The following LGALS8 variants were observed in gnomAD, a reference collection of about 807,000 sequenced individuals.
The protein encoded by LGALS8 is galectin-8.
LGALS8 carries 30 observed loss-of-function variants against 35.9 expected under a neutral mutation model. That is an observed-to-expected ratio of 0.83 (90% CI 0.62 to 1.13). The LOEUF is 1.13. Among genes scored for constraint, LGALS8 ranks in the 50% most tolerant of loss-of-function variants. The probability of loss-of-function intolerance (pLI) is 0.00; values close to 1 mark genes in which losing one functional copy is unlikely to be tolerated. For missense variants in LGALS8, 366 were observed against 388.7 expected (o/e 0.94, Z 0.49); for synonymous variants, 138 against 136.1 (o/e 1.01, Z -0.10).
chr1:236,529,774 G>T (rs575964306), intron 2 of LGALS8, among the ~76,000 whole-genome samples: 3 of 150,674 alleles, frequency 2.0e-5, no homozygotes, highest in African/African-American at 7.3e-5. Context: ...TCAGCCTCCC[G>T]AGTAGCTGGG....
chr1:236,534,902 G>C (rs819429), intron 2 of LGALS8, among the ~76,000 whole-genome samples: 148,902 of 151,852 alleles, frequency 0.98, 73,067 homozygotes, highest in East Asian at 1. Flanking sequence ...CTCTCTAAAA[G>C]TACAAAAAAT....
At chr1:236,524,671 C>T (rs552960731) in intron 1 of LGALS8, 105 of 327,650 alleles carry the variant, frequency 3.2e-4, no homozygotes, top group African/African-American at 1.8e-3. Context: ...CCTGGGGATA[C>T]TTCGGGGGTT....
chr1:236,531,696 C>T (rs1447213316), intron 2 of LGALS8, among the ~76,000 whole-genome samples: 4 of 152,046 alleles, frequency 2.6e-5, no homozygotes, highest in African/African-American at 9.7e-5. Context: ...CAGTTTTCCT[C>T]TTACTGAAAT....
intron 2 of LGALS8, among the ~76,000 whole-genome samples, chr1:236,534,429 T>A (rs75547343): frequency 0.024 from 3,687 of 152,308 alleles, 127 homozygotes; most frequent in East Asian, 0.15. Flanking sequence ...CTTGTGGTAT[T>A]GTCTCCAGTG....
chr1:236,540,536 G>GC, intron 4 of LGALS8, 28 bp from the exon 5 acceptor site: 1 of 1,515,154 alleles, frequency 6.6e-7, no homozygotes, highest in East Asian at 2.4e-5. Flanking sequence ...TGGTGGCGGG[G>GC]GGGGCTCTGT....
chr1:236,536,051 A>T (rs1427598728), intron 2 of LGALS8: 1 of 152,262 alleles, frequency 6.6e-6, no homozygotes, highest in Non-Finnish European at 1.5e-5. Flanking sequence ...CAGAATCCAA[A>T]GTGCTATCAT....
rs1662754994 is a variant in LGALS8 at position 236,551,729 on chromosome 1, A to G, written c.*3568A>G. The G allele has an allele frequency of 8.6e-6, 3 of 347,498 alleles. No homozygotes were observed. Among genetic ancestry groups the G allele is most frequent in the South Asian group, 9.5e-5 (2 of 21,134 alleles). The allele number at this position is 347,498 out of a possible 1,614,324, so 21.5% of individuals were successfully genotyped here. On this transcript the variant is annotated 3_prime_UTR_variant, in exon 10 of 10. Transcript: ENST00000366584. ...CTGTAATCTGCTTGTATGATCACAA[A>G]CCACCACAAAAGAAAAGATCGTGAA...
At chr1:236,530,641 C>T (rs1009725303) in intron 2 of LGALS8, among the ~76,000 whole-genome samples, 1 of 152,164 alleles carries the variant, frequency 6.6e-6, no homozygotes, top group African/African-American at 2.4e-5. Flanking sequence ...CTTCCCAAAC[C>T]AGCTTTCCTC....
intron 2 of LGALS8, among the ~76,000 whole-genome samples, chr1:236,527,068 TGTTAGA>T (rs1660853883): frequency 6.6e-6 from 1 of 152,178 alleles, no homozygotes; most frequent in South Asian, 2.1e-4. Flanking sequence ...ACTTTGCGCA[TGTTAGA>T]GTTAAAAACA....
chr1:236,543,028 CTA>C (rs745760598), intron 7 of LGALS8: 14 of 1,614,022 alleles, frequency 8.7e-6, no homozygotes, highest in South Asian at 1.1e-5. Flanking sequence ...CACCTATGAA[CTA>C]TGTGTCAAAG....
rs1662586267 is a variant in LGALS8 at position 236,549,044 on chromosome 1, A to G, written c.*883A>G. On this transcript the variant is annotated 3_prime_UTR_variant, in exon 10 of 10. Transcript: ENST00000366584. ...TATTTATGGGCAACAAAGTAAGGTCAGGATTAGACTTCAGGCATTCATAAG... is the reference window on the plus strand; with the variant it reads ...TATTTATGGGCAACAAAGTAAGGTCGGGATTAGACTTCAGGCATTCATAAG... The G allele has an allele frequency of 2.0e-5, 8 of 398,630 alleles. No individual in the cohort carries two copies. The highest frequency in any genetic ancestry group is 6.3e-4 in the Middle Eastern group (1 of 1,588). The allele number at this position is 398,630 out of a possible 1,614,324, so 24.7% of individuals were successfully genotyped here.
chr1:236,543,901 T>C (rs1288128120), intron 8 of LGALS8, among the ~76,000 whole-genome samples: 1 of 151,952 alleles, frequency 6.6e-6, no homozygotes, highest in Admixed American at 6.6e-5. Flanking sequence ...GGCCTATCCT[T>C]GCCTTGTAGA....
intron 2 of LGALS8, 78 bp from the exon 3 acceptor site, chr1:236,537,419 A>G (rs1473673800): frequency 1.5e-5 from 13 of 851,478 alleles, no homozygotes; most frequent in Admixed American, 3.9e-5. Flanking sequence ...TTCTCTATCA[A>G]TAATGAGTGT....
intron 5 of LGALS8, 80 bp downstream of exon 5, chr1:236,540,763 T>C: frequency 7.3e-7 from 1 of 1,376,188 alleles, no homozygotes; most frequent in Non-Finnish European, 9.8e-7. Flanking sequence ...CAAATAACAC[T>C]TCTATTGACA....
chr1:236,540,788 C>T, intron 5 of LGALS8, 105 bp downstream of exon 5: 1 of 1,166,942 alleles, frequency 8.6e-7, no homozygotes. Context: ...AAGGACGTAT[C>T]TCCCTGACTG....
chr1:236,548,086 A>G lies in LGALS8; in HGVS notation c.879A>G (p.Arg293=). The G allele has an allele frequency of 6.2e-7, 1 of 1,613,978 alleles. No homozygotes were observed. Among genetic ancestry groups the G allele is most frequent in the Non-Finnish European group, 8.5e-7 (1 of 1,179,812 alleles). Reference sequence around the variant, plus strand: ...TACACAGCCTGGAGTACAAACACAGATTTAAAGAGCTCAGCAGTATTGACA... The same window carrying G: ...TACACAGCCTGGAGTACAAACACAGGTTTAAAGAGCTCAGCAGTATTGACA... ...NGVHSLEYKH[R]FKELSSIDTL... Residue 293 remains arginine (R), a synonymous_variant, in exon 10 of 10, where the codon AGA becomes AGG. Coordinates refer to ENST00000366584, the MANE Select transcript of LGALS8 (RefSeq NM_201544.4).
intron 2 of LGALS8, among the ~76,000 whole-genome samples, chr1:236,527,263 T>C (rs909127265): frequency 6.6e-6 from 1 of 152,208 alleles, no homozygotes; most frequent in African/African-American, 2.4e-5. Context: ...TAGGTAAAAT[T>C]CGTGCATATC....
At chr1:236,524,730 A>G (rs1456531823) in intron 1 of LGALS8, 3 of 300,072 alleles carry the variant, frequency 1.0e-5, no homozygotes, top group African/African-American at 6.5e-5. Context: ...CTGGCTTGTT[A>G]TTATACATGT....
In LGALS8 at chr1:236,550,727, C is replaced by G. The variant is rs1662690553; in HGVS notation, c.*2566C>G. 2 of 551,644 alleles carry G rather than the reference C, an allele frequency of 3.6e-6. No homozygotes were observed. Among genetic ancestry groups the G allele is most frequent in the Non-Finnish European group, 6.4e-6 (2 of 314,714 alleles). The allele number at this position is 551,644 out of a possible 1,614,324, so 34.2% of individuals were successfully genotyped here. A position where few individuals can be genotyped will look rare whatever the true frequency, so the allele number is the denominator to read the frequency against. ...AGCTCTATACGATAGGCAGGAGAGG[C>G]TTATGTGGCAGCACAAGCCAGGTGG... On this transcript the variant is annotated 3_prime_UTR_variant, in exon 10 of 10. Coordinates refer to ENST00000366584, the MANE Select transcript of LGALS8 (RefSeq NM_201544.4).
Sources: allele counts gnomAD v4.1 joint callset (sites outside exome capture counted in the v4.1 genomes callset), GRCh38; gene constraint gnomAD v4.1.1; transcripts MANE v1.5; gene names NCBI Gene and HGNC (gene_info 2026-07-23, HGNC 2026-07-21).